The following TFDP1 variants were observed in gnomAD, a reference collection of about 807,000 sequenced individuals.
The protein encoded by TFDP1 is transcription factor Dp-1.
Under a neutral mutation model 48.0 loss-of-function variants are expected in TFDP1, and 6 were observed. That is an observed-to-expected ratio of 0.13 (90% confidence interval 0.07 to 0.25). TFDP1 has a LOEUF of 0.25. Among genes scored for constraint, TFDP1 ranks in the 10% least tolerant of loss-of-function variants. TFDP1 has a pLI of 1.00. For synonymous variants in TFDP1, 201 were observed against 211.6 expected (o/e 0.95, Z 0.44); for missense variants, 335 against 543.0 (o/e 0.62, Z 3.81).
chr13:113,609,803 C>G (rs1402508077), intron 2 of TFDP1, among the ~76,000 whole-genome samples: 25 of 152,170 alleles, frequency 1.6e-4, no homozygotes, highest in Non-Finnish European at 3.7e-4. Context: ...TCGCTGCCCC[C>G]CAGCCCCACT....
chr13:113,611,956 C>A (rs1186359477), intron 3 of TFDP1, among the ~76,000 whole-genome samples: 2 of 152,158 alleles, frequency 1.3e-5, no homozygotes, highest in Admixed American at 6.5e-5. Flanking sequence ...AGCCCAGAGG[C>A]CTGGATGTGT....
rs763010822 is a variant in TFDP1 at position 113,637,877 on chromosome 13, G to A, written c.1066G>A (p.Gly356Ser). ...CACGACGGCAGGTTCCACGTCTAAC[G>A]GCACAAGGTTCTCTGCCAGGTGACA... ...FITTAGSTSN[G>S]TRFSASDLTN... The change falls in exon 11 of 12, where the codon GGC becomes AGC. Residue 356 changes from glycine to serine, a missense_variant. Around this residue, in one of 3 missense-constraint regions of TFDP1, gnomAD observed 204 missense variants for 287.1 expected, o/e 0.71. Coordinates refer to ENST00000375370, the MANE Select transcript of TFDP1 (RefSeq NM_007111.5). 9 of 1,613,752 alleles carry A rather than the reference G, an allele frequency of 5.6e-6. No individual in the cohort carries two copies. Among genetic ancestry groups the A allele is most frequent in the South Asian group, 1.1e-5 (1 of 91,070 alleles).
intron 2 of TFDP1, chr13:113,586,089 G>C (rs2047996424): frequency 2.4e-6 from 1 of 413,006 alleles, no homozygotes; most frequent in Non-Finnish European, 4.3e-6. Context: ...TGATGGGGTG[G>C]TGCCTTCTGA....
rs1379304445 is a variant in TFDP1 at position 113,598,910 on chromosome 13, A to G, written c.13-12086A>G. Among the ~76,000 whole-genome samples the G allele has an allele frequency of 6.6e-6, 1 of 152,182 alleles. No individual in the cohort carries two copies. On this transcript the variant is annotated intron_variant, in intron 2 of 11. Coordinates refer to ENST00000375370, the MANE Select transcript of TFDP1 (RefSeq NM_007111.5). This position sits in a 1 kb window ranked among gnomAD's most constrained non-coding sequence, Gnocchi z 4.2. Reference sequence around the variant, plus strand: ...GTGTGGCTTTTCCCTTAGTTTAGAAAATGAAATCGCCTTATTGCTTTGTTC... The same window carrying G: ...GTGTGGCTTTTCCCTTAGTTTAGAAGATGAAATCGCCTTATTGCTTTGTTC...
Position 113,640,251 on chromosome 13 carries a change from A to G in TFDP1, c.1217A>G (p.Asn406Ser). 6.2e-7 allele frequency: 1 copy of G among 1,612,888 alleles called. No homozygotes were observed. Among genetic ancestry groups the G allele is most frequent in the Non-Finnish European group, 8.5e-7 (1 of 1,179,604 alleles). The part of the protein sequence containing the change: ...DDEEDDDFNE[N>S]DEDD ...GAGGAGGACGATGACTTCAACGAGA[A>G]TGACGAGGACGACTGACGTCCTCCC... is the stretch of plus-strand genomic sequence containing the variant. The change falls in exon 12 of 12, where the codon AAT becomes AGT. Residue 406 changes from asparagine to serine, a missense_variant. Transcript: ENST00000375370.
At chr13:113,609,214 G>A (rs111694039) in intron 2 of TFDP1, among the ~76,000 whole-genome samples, 3 of 152,344 alleles carry the variant, frequency 2.0e-5, no homozygotes, top group African/African-American at 7.2e-5. Context: ...CACGCCGTCT[G>A]TGGGCCCCTG....
In TFDP1 at chr13:113,636,642, C is replaced by G. The variant is rs140379028; in HGVS notation, c.948C>G (p.Ala316=). Reference sequence around the variant, plus strand: ...GGCTGGAGTCGGGGAGCTGCTCTGCCGAAGACCTTAAAATGGCCAGAAGTC... The same window carrying G: ...GGCTGGAGTCGGGGAGCTGCTCTGCGGAAGACCTTAAAATGGCCAGAAGTC... ...ACGLESGSCS[A]EDLKMARSLV... The change falls in exon 10 of 12, where the codon GCC becomes GCG. Residue 316 remains alanine, a synonymous_variant. Transcript: ENST00000375370. The G allele has an allele frequency of 1.2e-6, 2 of 1,612,736 alleles. No individual in the cohort carries two copies. The highest frequency in any genetic ancestry group is 2.2e-5 in the South Asian group (2 of 91,088).
chr13:113,604,306 A>G (rs193212048), intron 2 of TFDP1, among the ~76,000 whole-genome samples: 55 of 152,334 alleles, frequency 3.6e-4, no homozygotes, highest in African/African-American at 1.2e-3. Context: ...TCAAGCTGGT[A>G]ATTGTGGTCT....
chr13:113,634,390 G>A, intron 7 of TFDP1, 144 bp from the exon 8 acceptor site: 1 of 715,430 alleles, frequency 1.4e-6, no homozygotes, highest in South Asian at 1.8e-5. Flanking sequence ...TGTAGCACCT[G>A]CTATGTCTAG....
chr13:113,630,177 A>ACG (rs886109016), intron 4 of TFDP1, among the ~76,000 whole-genome samples: 11 of 148,696 alleles, frequency 7.4e-5, no homozygotes, highest in African/African-American at 2.9e-4. Context: ...ACACACACAC[A>ACG]CACACGCGTA....
In TFDP1 at chr13:113,637,838, G is replaced by C; in HGVS notation, c.1027G>C (p.Gly343Arg). ...YVTEMAQGTV[G>R]GVFITTAGST... is the part of the protein sequence containing the mutation. Reference sequence around the variant, plus strand: ...TTCAGAAATGGCTCAGGGAACTGTTGGAGGCGTGTTCATCACGACGGCAGG... The same window carrying C: ...TTCAGAAATGGCTCAGGGAACTGTTCGAGGCGTGTTCATCACGACGGCAGG... The change falls in exon 11 of 12, where the codon GGA becomes CGA. Residue 343 changes from glycine (G) to arginine (R), a missense_variant. By Grantham distance (125) the Gly-to-Arg change is moderately radical. Transcript: ENST00000375370. The C allele has an allele frequency of 6.2e-7, 1 of 1,614,254 alleles. No homozygotes were observed. The highest frequency in any genetic ancestry group is 8.5e-7 in the Non-Finnish European group (1 of 1,180,048).
At chr13:113,630,277 G>T (rs1354127701) in intron 4 of TFDP1, among the ~76,000 whole-genome samples, 1 of 152,162 alleles carries the variant, frequency 6.6e-6, no homozygotes, top group Non-Finnish European at 1.5e-5. Flanking sequence ...TCACTTGTTT[G>T]ATTTCATGGC....
chr13:113,612,429 A>T (rs978185044), intron 3 of TFDP1, among the ~76,000 whole-genome samples: 5 of 152,182 alleles, frequency 3.3e-5, no homozygotes, highest in Non-Finnish European at 5.9e-5. Flanking sequence ...GACCAAATCT[A>T]CGCAGCCCTT....
intron 3 of TFDP1, 111 bp downstream of exon 3, chr13:113,611,173 T>A: frequency 9.2e-7 from 1 of 1,084,872 alleles, no homozygotes; most frequent in Non-Finnish European, 1.4e-6. Flanking sequence ...ATCTCCTGCA[T>A]GGGCACCTTT....
chr13:113,620,215 T>C (rs2048964410), intron 3 of TFDP1, among the ~76,000 whole-genome samples: 1 of 152,238 alleles, frequency 6.6e-6, no homozygotes, highest in Admixed American at 6.5e-5. Context: ...GCTACACTGC[T>C]GTCCCACAGC....
chr13:113,624,693 A>T, intron 4 of TFDP1, among the ~76,000 whole-genome samples: 1 of 130,096 alleles, frequency 7.7e-6, no homozygotes, highest in Non-Finnish European at 1.6e-5. Context: ...ACATGTCCTC[A>T]GGTGTCTCTC....
At chr13:113,613,977 ATGTGT>A (rs951862567) in intron 3 of TFDP1, among the ~76,000 whole-genome samples, 1 of 148,964 alleles carries the variant, frequency 6.7e-6, no homozygotes, top group African/African-American at 2.5e-5. Flanking sequence ...TATGGAGTGC[ATGTGT>A]TGTGAGTGTG....
intron 2 of TFDP1, among the ~76,000 whole-genome samples, chr13:113,608,922 G>T (rs1378539925): frequency 6.6e-6 from 1 of 152,184 alleles, no homozygotes; most frequent in Non-Finnish European, 1.5e-5. Context: ...TAACGTCTCG[G>T]CCTTACCAAC....
At chr13:113,611,750 G>A (rs1184308861) in intron 3 of TFDP1, among the ~76,000 whole-genome samples, 1 of 152,204 alleles carries the variant, frequency 6.6e-6, no homozygotes, top group Non-Finnish European at 1.5e-5. Context: ...GCGATGCTTG[G>A]CCCCTCGTGA....
Sources: gnomAD v4.1 joint callset for allele counts (sites outside exome capture counted in the v4.1 genomes callset) on GRCh38, gnomAD v4.1.1 for gene constraint, gnomAD v4.1.1 regional missense constraint, Gnocchi (gnomAD v3.1) non-coding constraint, MANE v1.5 for transcripts, NCBI Gene and HGNC (gene_info 2026-07-23, HGNC 2026-07-21) for gene names.